MAP4K3: variants seen among roughly 807,000 people sequenced by gnomAD.
MAP4K3 encodes MAPK/ERK kinase kinase kinase 3.
In MAP4K3, 94 loss-of-function variants were observed where a neutral mutation model predicts 143.5. The ratio of observed to expected loss-of-function variants is 0.65; its 90% CI spans 0.55 to 0.78. MAP4K3 has a LOEUF of 0.78. MAP4K3 is among the 30% of genes least tolerant of loss of function. The probability of loss-of-function intolerance (pLI) is 0.00; values close to 1 mark genes in which losing one functional copy is unlikely to be tolerated. For missense variants in MAP4K3, 1,077 were observed against 1,068.1 expected (o/e 1.01, Z -0.12); for synonymous variants, 416 against 347.2 (o/e 1.20, Z -2.20).
intron 23 of MAP4K3, 55 bp from the exon 24 acceptor site, chr2:39,278,541 G>T: frequency 1.0e-6 from 1 of 958,436 alleles, no homozygotes. Context: ...TTTTTAAATA[G>T]GATTTCTATA....
chr2:39,358,967 C>G (rs1458361318), intron 2 of MAP4K3, among the ~76,000 whole-genome samples: 1 of 152,106 alleles, frequency 6.6e-6, no homozygotes, highest in Non-Finnish European at 1.5e-5. Flanking sequence ...ATCTCATGTC[C>G]TCACATTTCA....
At chr2:39,394,424 G>A (rs1666749869) in intron 1 of MAP4K3, among the ~76,000 whole-genome samples, 1 of 152,102 alleles carries the variant, frequency 6.6e-6, no homozygotes, top group African/African-American at 2.4e-5. Flanking sequence ...TTTATCCCAG[G>A]TTTTCTAGAT....
chr2:39,299,682 A>G (rs1193672745), intron 16 of MAP4K3, 61 bp downstream of exon 16: 2 of 866,530 alleles, frequency 2.3e-6, no homozygotes, highest in Non-Finnish European at 3.4e-6. Flanking sequence ...TTAAAATATA[A>G]TATTAAAGGC....
At chr2:39,291,333 T>C (rs1156434902) in intron 18 of MAP4K3, among the ~76,000 whole-genome samples, 1 of 152,212 alleles carries the variant, frequency 6.6e-6, no homozygotes, top group Admixed American at 6.5e-5. Context: ...AAGTACTATA[T>C]TGTAATTAAA....
intron 26 of MAP4K3, among the ~76,000 whole-genome samples, chr2:39,270,299 G>A (rs977339571): frequency 5.9e-5 from 9 of 152,158 alleles, no homozygotes; most frequent in Non-Finnish European, 1.0e-4. Flanking sequence ...ATGTTCTATA[G>A]TGATCTATAG....
In MAP4K3 at chr2:39,278,875, G is replaced by T. The variant is rs139300313; in HGVS notation, c.1715-389C>A. 6.1e-3 allele frequency among the ~76,000 whole-genome samples: 924 copies of T among 152,150 alleles called. 9 individuals are homozygous for T. Among genetic ancestry groups the T allele is most frequent in the East Asian group, 0.014 (70 of 5,166 alleles). On this transcript the variant is annotated intron_variant, in intron 23 of 33. Coordinates refer to ENST00000263881, the MANE Select transcript of MAP4K3 (RefSeq NM_003618.4). ...GATACAGATTCTAATTATTTCTACA[G>T]AATTTTTTTTCAGAGCTATACTATA...
chr2:39,433,254 G>T (rs548688757), intron 1 of MAP4K3, among the ~76,000 whole-genome samples: 1 of 152,264 alleles, frequency 6.6e-6, no homozygotes, highest in African/African-American at 2.4e-5. Flanking sequence ...CACAGGCTAG[G>T]AATCATTCAC....
At chr2:39,309,226 G>C (rs1009696734) in intron 14 of MAP4K3, among the ~76,000 whole-genome samples, 1 of 152,026 alleles carries the variant, frequency 6.6e-6, no homozygotes, top group Non-Finnish European at 1.5e-5. Context: ...TGGGCTCAAG[G>C]GATCCTCCTG....
chr2:39,280,756 T>TAC (rs1681482639), intron 22 of MAP4K3, among the ~76,000 whole-genome samples: 1 of 152,164 alleles, frequency 6.6e-6, no homozygotes, highest in African/African-American at 2.4e-5. Flanking sequence ...TTTGGTTTTA[T>TAC]GAGCCTAAAA....
intron 8 of MAP4K3, among the ~76,000 whole-genome samples, chr2:39,331,303 T>C (rs1296358498): frequency 6.6e-6 from 1 of 152,086 alleles, no homozygotes; most frequent in Non-Finnish European, 1.5e-5. Context: ...TCTAGCATAG[T>C]AAGCGGCCAA....
chr2:39,436,767 T>C, intron 1 of MAP4K3, 125 bp downstream of exon 1: 2 of 771,002 alleles, frequency 2.6e-6, no homozygotes, highest in Non-Finnish European at 2.1e-6. Flanking sequence ...CGTCCGCAGC[T>C]CCTCCTCCCC....
chr2:39,423,605 G>C (rs1356810569), intron 1 of MAP4K3, among the ~76,000 whole-genome samples: 3 of 152,274 alleles, frequency 2.0e-5, no homozygotes, highest in African/African-American at 7.2e-5. Flanking sequence ...GAGGTATTGA[G>C]CCACAAAAAG....
At chr2:39,271,367 C>A (rs1254614864) in intron 26 of MAP4K3, among the ~76,000 whole-genome samples, 1 of 152,056 alleles carries the variant, frequency 6.6e-6, no homozygotes, top group Admixed American at 6.6e-5. Flanking sequence ...AGCAGATTCT[C>A]AAGGTACTCG....
intron 26 of MAP4K3, among the ~76,000 whole-genome samples, chr2:39,271,439 A>G (rs1410620156): frequency 1.3e-5 from 2 of 152,264 alleles, no homozygotes; most frequent in African/African-American, 4.8e-5. Context: ...TAGGCATATT[A>G]TAAAGTTTTT....
At chr2:39,303,029 A>G (rs1428647831) in intron 15 of MAP4K3, 5 of 167,062 alleles carry the variant, frequency 3.0e-5, no homozygotes, top group African/African-American at 1.2e-4. Context: ...AAAACATCTT[A>G]TTGTAGTTTT....
At chr2:39,413,535 C>T (rs1348355974) in intron 1 of MAP4K3, among the ~76,000 whole-genome samples, 2 of 152,108 alleles carry the variant, frequency 1.3e-5, no homozygotes, top group African/African-American at 4.8e-5. Flanking sequence ...AAATGGGTCA[C>T]ATCCAGTCAC....
In MAP4K3 at chr2:39,280,929, T is replaced by G. The variant is rs184847107; in HGVS notation, c.1630-573A>C. Among the ~76,000 whole-genome samples, 458 of 152,330 alleles carry G rather than the reference T, an allele frequency of 3.0e-3. 2 individuals carry two copies. Among genetic ancestry groups the G allele is most frequent in the Non-Finnish European group, 3.9e-3 (265 of 68,002 alleles). ...AAAGATTCATTAAAAAGCTTAACTCTTTGATGTTAATATTACTTATCAAGT... is the reference window on the plus strand; with the variant it reads ...AAAGATTCATTAAAAAGCTTAACTCGTTGATGTTAATATTACTTATCAAGT... On this transcript the variant is annotated intron_variant, in intron 22 of 33. Coordinates refer to ENST00000263881, the MANE Select transcript of MAP4K3 (RefSeq NM_003618.4).
chr2:39,290,778 TAAC>T (rs1682010128), intron 18 of MAP4K3, among the ~76,000 whole-genome samples: 1 of 152,116 alleles, frequency 6.6e-6, no homozygotes, highest in Admixed American at 6.5e-5. Context: ...TGACTATAGT[TAAC>T]AATAACGGGC....
intron 1 of MAP4K3, among the ~76,000 whole-genome samples, chr2:39,416,414 A>C (rs1397955139): frequency 6.6e-6 from 1 of 152,196 alleles, no homozygotes; most frequent in Non-Finnish European, 1.5e-5. Flanking sequence ...CCCTCTGTGC[A>C]AGAGACATAT....
Sources: gnomAD v4.1 joint callset for allele counts (sites outside exome capture counted in the v4.1 genomes callset) on GRCh38, gnomAD v4.1.1 for gene constraint, MANE v1.5 for transcripts, NCBI Gene and HGNC (gene_info 2026-07-23, HGNC 2026-07-21) for gene names.